The following NLRC5 variants were observed in gnomAD, a reference collection of about 807,000 sequenced individuals.
NLRC5 encodes protein NLRC5.
NLRC5 carries 114 observed loss-of-function variants against 206.9 expected under a neutral mutation model. The observed-to-expected ratio is 0.55, with a 90% confidence interval of 0.47 to 0.64. The LOEUF (loss-of-function observed/expected upper bound fraction) is 0.64, where lower values mean the gene tolerates loss of function less well. Ranked by LOEUF, NLRC5 falls within the 30% of genes least tolerant of loss-of-function variation. NLRC5 has a pLI of 0.00. For missense variants in NLRC5, 2,008 were observed against 2,305.5 expected, an observed-to-expected ratio of 0.87 and a Z score of 2.64; for synonymous variants, 952 against 962.8, an observed-to-expected ratio of 0.99 and a Z score of 0.21.
chr16:57,028,233 C>G (rs2061445820), intron 7 of NLRC5, 69 bp from the exon 8 acceptor site: 1 of 1,575,456 alleles, frequency 6.3e-7, no homozygotes, highest in South Asian at 1.1e-5. Flanking sequence ...TAATCCTACA[C>G]AAGGCAGATT....
chr16:57,041,032 T>C (rs748084866), intron 17 of NLRC5, among the ~76,000 whole-genome samples: 5 of 152,126 alleles, frequency 3.3e-5, no homozygotes, highest in Non-Finnish European at 7.3e-5. Context: ...ACTGGGCTCC[T>C]TCTGTCATGA....
At chr16:57,028,266 CCT>C in intron 7 of NLRC5, 34 bp from the exon 8 acceptor site, 2 of 1,602,548 alleles carry the variant, frequency 1.2e-6, no homozygotes, top group Non-Finnish European at 1.7e-6. Flanking sequence ...CTTTTCCCCT[CCT>C]CGTTCCTCCC....
At chr16:56,993,132 T>TAC (rs71152227) in intron 1 of NLRC5, among the ~76,000 whole-genome samples, 74 of 120,654 alleles carry the variant, frequency 6.1e-4, no homozygotes, top group African/African-American at 1.1e-3. Flanking sequence ...TATATATATA[T>TAC]ACACACACAC....
chr16:57,076,448 G>C (rs985558745), intron 39 of NLRC5, among the ~76,000 whole-genome samples: 1 of 152,230 alleles, frequency 6.6e-6, no homozygotes, highest in Non-Finnish European at 1.5e-5. Context: ...AGAATCCCAC[G>C]TGAAAGTGGC....
chr16:57,029,380 C>T (rs1481922744), intron 8 of NLRC5, among the ~76,000 whole-genome samples: 2 of 152,054 alleles, frequency 1.3e-5, no homozygotes, highest in African/African-American at 2.4e-5. Flanking sequence ...GGGCCACAGC[C>T]GAGGCTGGAA....
At chr16:57,014,254 A>G (rs1222162188) in intron 1 of NLRC5, among the ~76,000 whole-genome samples, 1 of 152,182 alleles carries the variant, frequency 6.6e-6, no homozygotes, top group Non-Finnish European at 1.5e-5. Flanking sequence ...TTTCAATATC[A>G]TGGATTAAAT....
intron 23 of NLRC5, among the ~76,000 whole-genome samples, chr16:57,050,272 G>C (rs1282400660): frequency 6.6e-6 from 1 of 152,110 alleles, no homozygotes; most frequent in African/African-American, 2.4e-5. Flanking sequence ...AGTCCCTGGG[G>C]CAGAAAGGGT....
At chr16:57,051,357 C>A (rs865841458) in intron 23 of NLRC5, among the ~76,000 whole-genome samples, 181 bp from the exon 24 acceptor site, 2 of 152,228 alleles carry the variant, frequency 1.3e-5, no homozygotes, top group Non-Finnish European at 2.9e-5. Flanking sequence ...CCGTATTTCC[C>A]AAACTTAAAA....
Position 57,082,820 on chromosome 16 carries a change from A to C in NLRC5, c.*292A>C. ...GACAATGCATGACACGTACGGTTATATGTGGCAGTGTGACCCCTTGACATG... is the reference window on the plus strand; with the variant it reads ...GACAATGCATGACACGTACGGTTATCTGTGGCAGTGTGACCCCTTGACATG... On this transcript the variant is annotated 3_prime_UTR_variant, in exon 49 of 49. Transcript: ENST00000688547. 1 of 300,274 alleles carries C rather than the reference A, an allele frequency of 3.3e-6. No homozygotes were observed. The highest frequency in any genetic ancestry group is 6.2e-6 in the Non-Finnish European group (1 of 161,006). The allele number at this position is 300,274 out of a possible 1,614,324, so 18.6% of individuals were successfully genotyped here. A position where few individuals can be genotyped will look rare whatever the true frequency, so the allele number is the denominator to read the frequency against.
chr16:57,026,322 T>TG lies in NLRC5; in HGVS notation c.1384dup (p.Glu462GlyfsTer93), dbSNP rs762883583. 1.9e-6 allele frequency: 3 copies of TG among 1,613,842 alleles called. No individual in the cohort carries two copies. Among genetic ancestry groups the TG allele is most frequent in the Non-Finnish European group, 2.5e-6 (3 of 1,180,054 alleles). ...TTGCCCACCTCGTCCCTACTGGACC[T>TG]GGGGGAGGTGGCCCTGAGGGGCCTG... On this transcript the variant is annotated frameshift_variant, in exon 6 of 49. Transcript: ENST00000688547. LOFTEE classifies it high-confidence loss of function.
At chr16:57,068,091 C>T (rs1296525351) in intron 36 of NLRC5, among the ~76,000 whole-genome samples, 2 of 152,172 alleles carry the variant, frequency 1.3e-5, no homozygotes, top group Non-Finnish European at 2.9e-5. Flanking sequence ...CGAACTAACA[C>T]AAAGTTTCAA....
At chr16:57,065,738 T>C (rs2067009553) in intron 33 of NLRC5, among the ~76,000 whole-genome samples, 1 of 152,226 alleles carries the variant, frequency 6.6e-6, no homozygotes, top group Non-Finnish European at 1.5e-5. Context: ...TTACTGTGTC[T>C]CTCTGACCTC....
intron 8 of NLRC5, among the ~76,000 whole-genome samples, chr16:57,028,986 G>A (rs549608526): frequency 1.3e-5 from 2 of 152,262 alleles, no homozygotes; most frequent in East Asian, 1.9e-4. Context: ...CTGGCAGAAC[G>A]CTGCTAGTTT....
At chr16:57,081,760 A>C in intron 48 of NLRC5, 150 bp downstream of exon 48, 2 of 662,670 alleles carry the variant, frequency 3.0e-6, no homozygotes, top group Admixed American at 2.8e-5. Flanking sequence ...GGCAGCAAGC[A>C]GACTTGGATC....
intron 36 of NLRC5, 89 bp downstream of exon 36, chr16:57,067,917 C>A: frequency 9.6e-7 from 1 of 1,044,122 alleles, no homozygotes; most frequent in Non-Finnish European, 1.5e-6. Context: ...GCTCAGAGGA[C>A]TCTTACTCTG....
chr16:57,058,909 G>T (rs1215916838), intron 28 of NLRC5, 63 bp from the exon 29 acceptor site: 1 of 1,342,820 alleles, frequency 7.4e-7, no homozygotes, highest in Admixed American at 1.7e-5. Flanking sequence ...GATGGAGGGG[G>T]CTGGGCAGGG....
At chr16:57,020,662 C>T (rs2060580929) in intron 2 of NLRC5, 39 bp from the exon 3 acceptor site, 2 of 1,510,888 alleles carry the variant, frequency 1.3e-6, no homozygotes, top group Non-Finnish European at 1.8e-6. Context: ...CCCAGTTTAC[C>T]TGTCCCCCTC....
chr16:57,038,939 T>TAAAAAA (rs574142317), intron 15 of NLRC5, among the ~76,000 whole-genome samples: 4 of 108,270 alleles, frequency 3.7e-5, no homozygotes, highest in Admixed American at 9.1e-5. Flanking sequence ...TGTCTCAAAT[T>TAAAAAA]AAAAAAAAAA....
chr16:57,018,679 T>C (rs143901672), intron 2 of NLRC5, among the ~76,000 whole-genome samples: 1 of 152,296 alleles, frequency 6.6e-6, no homozygotes, highest in African/African-American at 2.4e-5. Flanking sequence ...GACCTCCTAC[T>C]CTTTTCAGAG....
Sources: allele counts gnomAD v4.1 joint callset (sites outside exome capture counted in the v4.1 genomes callset), GRCh38; gene constraint gnomAD v4.1.1; transcripts MANE v1.5; gene names NCBI Gene and HGNC (gene_info 2026-07-23, HGNC 2026-07-21).